Variants in SMO observed in about 807,000 individuals in gnomAD.
SMO encodes the protein protein smoothened.
Under a neutral mutation model 81.6 loss-of-function variants are expected in SMO, and 40 were observed. The observed-to-expected ratio is 0.49, with a 90% confidence interval of 0.38 to 0.64. The LOEUF is 0.64. Ranked by LOEUF, SMO falls within the 30% of genes least tolerant of loss-of-function variation. SMO has a pLI of 0.00. For missense variants in SMO, 916 were observed against 1,061.1 expected (o/e 0.86, Z 1.90); for synonymous variants, 434 against 432.1 (o/e 1.00, Z -0.05).
intron 8 of SMO, chr7:129,209,720 T>C (rs926002639): frequency 6.8e-6 from 2 of 295,430 alleles, no homozygotes; most frequent in Non-Finnish European, 1.3e-5. Context: ...TGTGCTCTCC[T>C]GCAGAGCCTG....
Position 129,210,772 on chromosome 7 carries a change from G to C in SMO, c.1653-193G>C, listed in dbSNP as rs899997600. 1.3e-5 allele frequency among the ~76,000 whole-genome samples: 2 copies of C among 152,240 alleles called. No individual in the cohort carries two copies. The highest frequency in any genetic ancestry group is 3.2e-3 in the Middle Eastern group (1 of 316). On this transcript the variant is annotated intron_variant, in intron 9 of 11. Transcript: ENST00000249373. The surrounding 1 kb of genome is among the most constrained non-coding windows in gnomAD (Gnocchi z 4.7). ...ACCTTTTAAGAGCGGAGTGATTGGA[G>C]GGCTGGGCACACAGGAGCTCTGCAT...
rs1793869703 is a variant in SMO, at chr7:129,211,516, C to A, written c.1802-120C>A. The A allele has an allele frequency of 8.8e-7, 1 of 1,135,972 alleles. No homozygotes were observed. Among genetic ancestry groups the A allele is most frequent in the Non-Finnish European group, 1.3e-6 (1 of 761,954 alleles). 70.4% of individuals were successfully genotyped at this position (1,135,972 alleles called of 1,614,324 possible). ...GAGATCACCGTGGTTACAGGGTGAGCTTTCTCTGGTGAGCAGGAGGGACTG... is the reference window on the plus strand; with the variant it reads ...GAGATCACCGTGGTTACAGGGTGAGATTTCTCTGGTGAGCAGGAGGGACTG... On this transcript the variant is annotated intron_variant, in intron 10 of 11. Coordinates refer to ENST00000249373, the MANE Select transcript of SMO (RefSeq NM_005631.5). The surrounding 1 kb of genome is among the most constrained non-coding windows in gnomAD (Gnocchi z 4.6).
At position 129,206,722 on chromosome 7, in the gene SMO, A is replaced by T; in HGVS notation, c.1264+135A>T. 1 of 859,436 alleles carries T rather than the reference A, an allele frequency of 1.2e-6. No homozygotes were observed. Among genetic ancestry groups the T allele is most frequent in the Non-Finnish European group, 1.8e-6 (1 of 548,388 alleles). The allele number at this position is 859,436 out of a possible 1,614,324, so 53.2% of individuals were successfully genotyped here. On this transcript the variant is annotated intron_variant, in intron 6 of 11. Coordinates refer to ENST00000249373, the MANE Select transcript of SMO (RefSeq NM_005631.5). This position sits in a 1 kb window ranked among gnomAD's most constrained non-coding sequence, Gnocchi z 4.4. ...CTCCTATAGGGCCTTCACACAGTAG[A>T]AGGTGACCCTCTAGGCAGACGAAAC...
chr7:129,203,475 GC>G lies in SMO; in HGVS notation c.426del (p.Ser143AlafsTer159). On this transcript the variant is annotated frameshift_variant, in exon 2 of 12. Coordinates refer to ENST00000249373, the MANE Select transcript of SMO (RefSeq NM_005631.5). LOFTEE classifies it high-confidence loss of function. ...PKCENDRVELPSRTLCQATRG... is the reference protein window; with the variant it reads ...PKCENDRVELXSRTLCQATRG... ...AGTGTGAGAATGACCGGGTGGAGCT[GC>G]CCAGCCGTACCCTCTGCCAGGCCAC... 1 of 1,591,344 alleles carries G rather than the reference GC, an allele frequency of 6.3e-7. No homozygotes were observed.
Position 129,189,217 on chromosome 7 carries a change from GCT to G in SMO, c.67_68del (p.Leu23GlyfsTer112), listed in dbSNP as rs1436006788. 1.6e-4 allele frequency: 189 copies of G among 1,167,026 alleles called. No individual in the cohort carries two copies. The highest frequency in any genetic ancestry group is 2.6e-4 in the African/African-American group (16 of 62,368). 72.3% of individuals were successfully genotyped at this position (1,167,026 alleles called of 1,614,324 possible). A position where few individuals can be genotyped will look rare whatever the true frequency, so the allele number is the denominator to read the frequency against. ...PLLGLLLLLL[L>X]GDPGRGAASS... ...TCCTGGGGCTGCTGCTGCTGCTGCT[GCT>G]GGGGGACCCGGGCCGGGGGGCGGCC... On this transcript the variant is annotated frameshift_variant, in exon 1 of 12. Coordinates refer to ENST00000249373, the MANE Select transcript of SMO (RefSeq NM_005631.5). LOFTEE classifies it high-confidence loss of function. This position sits in a 1 kb window ranked among gnomAD's most constrained non-coding sequence, Gnocchi z 4.7.
At position 129,213,072 on chromosome 7, in the gene SMO, T is replaced by C. The variant is rs2703098; in HGVS notation, c.*621T>C. On this transcript the variant is annotated 3_prime_UTR_variant, in exon 12 of 12. Coordinates refer to ENST00000249373, the MANE Select transcript of SMO (RefSeq NM_005631.5). ...TTTTGTTCTCCTATATCCTCCTTCT[T>C]CTGTTCCATTTCAGTTCAGTTTCAG... 0.98 allele frequency: 234,860 copies of C among 240,874 alleles called. 114,762 individuals are homozygous for C. The highest frequency in any genetic ancestry group is 1 in the East Asian group (17,228 of 17,228). 14.9% of individuals were successfully genotyped at this position (240,874 alleles called of 1,614,324 possible).
At chr7:129,202,362 C>T (rs1021171653) in intron 1 of SMO, among the ~76,000 whole-genome samples, 1 of 152,182 alleles carries the variant, frequency 6.6e-6, no homozygotes, top group African/African-American at 2.4e-5. Context: ...TACTATGTTG[C>T]CTTCCCCCGA....
intron 1 of SMO, among the ~76,000 whole-genome samples, chr7:129,192,914 C>T (rs1444696450): frequency 1.3e-5 from 2 of 152,168 alleles, no homozygotes; most frequent in Non-Finnish European, 2.9e-5. Flanking sequence ...GCCCTGACTA[C>T]TGAGGCTTTG....
intron 1 of SMO, among the ~76,000 whole-genome samples, chr7:129,196,039 T>G (rs1005613836): frequency 1.2e-4 from 18 of 147,392 alleles, no homozygotes; most frequent in African/African-American, 4.6e-4. Flanking sequence ...AGGCGGAGCT[T>G]GCAGTGAGCC....
Position 129,189,457 on chromosome 7 carries a change from G to T in SMO, c.306G>T (p.Ala102=), listed in dbSNP as rs1405488326. ...GAGACTCGGACTCCCAGGAGGAAGCGCACGGCAAGCTCGTGCTCTGGTCGG... is the reference window on the plus strand; with the variant it reads ...GAGACTCGGACTCCCAGGAGGAAGCTCACGGCAAGCTCGTGCTCTGGTCGG... ...LAGDSDSQEE[A]HGKLVLWSGL... Residue 102 remains alanine (A), a synonymous_variant, in exon 1 of 12, where the codon GCG becomes GCT. Transcript: ENST00000249373. This position sits in a 1 kb window ranked among gnomAD's most constrained non-coding sequence, Gnocchi z 4.7. 6.5e-7 allele frequency: 1 copy of T among 1,538,216 alleles called. No individual in the cohort carries two copies. Among genetic ancestry groups the T allele is most frequent in the South Asian group, 1.2e-5 (1 of 84,036 alleles).
In SMO at chr7:129,212,435, C is replaced by T. The variant is rs1475027326; in HGVS notation, c.2348C>T (p.Ala783Val). 1 of 1,610,862 alleles carries T rather than the reference C, an allele frequency of 6.2e-7. No homozygotes were observed. Among genetic ancestry groups the T allele is most frequent in the East Asian group, 2.2e-5 (1 of 44,770 alleles). The part of the protein sequence containing the change: ...TNLMDTELMD[A>V]DSDF Reference sequence around the variant, plus strand: ...CTGATGGACACAGAACTCATGGATGCAGACTCGGACTTCTGAGCCTGCAGA... The same window carrying T: ...CTGATGGACACAGAACTCATGGATGTAGACTCGGACTTCTGAGCCTGCAGA... The change falls in exon 12 of 12, where the codon GCA (alanine) becomes GTA (valine). Residue 783 changes from alanine (A) to valine (V), a missense_variant. By Grantham distance (64) the Ala-to-Val change is moderately conservative (BLOSUM62 0). Around this residue, in one of 4 missense-constraint regions of SMO, gnomAD observed 324 missense variants for 312.9 expected, o/e 1.04. Coordinates refer to ENST00000249373, the MANE Select transcript of SMO (RefSeq NM_005631.5). This position sits in a 1 kb window ranked among gnomAD's most constrained non-coding sequence, Gnocchi z 5.0.
In SMO at chr7:129,210,448, GAGA is replaced by G. The variant is rs758836898; in HGVS notation, c.1556_1558del (p.Lys519del). On this transcript the variant is annotated inframe_deletion, in exon 9 of 12. Coordinates refer to ENST00000249373, the MANE Select transcript of SMO (RefSeq NM_005631.5). The surrounding 1 kb of genome is among the most constrained non-coding windows in gnomAD (Gnocchi z 4.7). ...CAAGAATCGCCCGAGCCTTCTGGTG[GAGA>G]AGATCAACCTGTTTGCCATGTTTGG... The G allele has an allele frequency of 1.9e-6, 3 of 1,614,182 alleles. No homozygotes were observed. Among genetic ancestry groups the G allele is most frequent in the Non-Finnish European group, 1.7e-6 (2 of 1,180,010 alleles).
At chr7:129,194,648 T>C (rs1793542120) in intron 1 of SMO, among the ~76,000 whole-genome samples, 1 of 152,228 alleles carries the variant, frequency 6.6e-6, no homozygotes, top group Non-Finnish European at 1.5e-5. Flanking sequence ...CAGCTTTGCA[T>C]GTTTTTGAAC....
intron 1 of SMO, among the ~76,000 whole-genome samples, chr7:129,201,722 C>G (rs1323308999): frequency 6.6e-6 from 1 of 151,900 alleles, no homozygotes; most frequent in Non-Finnish European, 1.5e-5. Context: ...ATTCTTTTGC[C>G]CAGGCTGGAG....
chr7:129,204,177 A>G (rs1317277682), intron 2 of SMO, among the ~76,000 whole-genome samples: 2 of 152,070 alleles, frequency 1.3e-5, no homozygotes, highest in East Asian at 3.9e-4. Context: ...TACTAAAAAT[A>G]CAAACATAAG....
rs1793854475 is a variant in SMO at position 129,210,643 on chromosome 7, GC to G, written c.1652+97del. On this transcript the variant is annotated intron_variant, in intron 9 of 11. Coordinates refer to ENST00000249373, the MANE Select transcript of SMO (RefSeq NM_005631.5). The surrounding 1 kb of genome is among the most constrained non-coding windows in gnomAD (Gnocchi z 4.7). Reference sequence around the variant, plus strand: ...TTTGTCGGGTCCTGCCTCTAGCACAGCCTTGGTCAGTGGTTCACCGCTGCCC... The same window carrying G: ...TTTGTCGGGTCCTGCCTCTAGCACAGCTTGGTCAGTGGTTCACCGCTGCCC... The G allele has an allele frequency of 9.7e-7, 1 of 1,032,806 alleles. No individual in the cohort carries two copies. The highest frequency in any genetic ancestry group is 1.6e-5 in the African/African-American group (1 of 63,646). The allele number at this position is 1,032,806 out of a possible 1,614,324, so 64.0% of individuals were successfully genotyped here.
rs749563070 is a variant in SMO, at chr7:129,210,184, T to C, written c.1467-179T>C. 5 of 575,378 alleles carry C rather than the reference T, an allele frequency of 8.7e-6. No homozygotes were observed. Among genetic ancestry groups the C allele is most frequent in the Non-Finnish European group, 1.6e-5 (5 of 322,232 alleles). The allele number at this position is 575,378 out of a possible 1,614,324, so 35.6% of individuals were successfully genotyped here. On this transcript the variant is annotated intron_variant, in intron 8 of 11. Coordinates refer to ENST00000249373, the MANE Select transcript of SMO (RefSeq NM_005631.5). This position sits in a 1 kb window ranked among gnomAD's most constrained non-coding sequence, Gnocchi z 4.7. Reference sequence around the variant, plus strand: ...CAGTAGACTCAGAAAACCCCACCTGTAGTCCCAGCTACTTGGGAGGCTGAA... The same window carrying C: ...CAGTAGACTCAGAAAACCCCACCTGCAGTCCCAGCTACTTGGGAGGCTGAA...
intron 7 of SMO, 43 bp from the exon 8 acceptor site, chr7:129,209,246 G>T (rs2150652675): frequency 1.7e-6 from 2 of 1,184,300 alleles, no homozygotes; most frequent in Non-Finnish European, 2.5e-6. Context: ...GCTGCTGCGG[G>T]ACTGGGCTTG....
chr7:129,210,552 G>A lies in SMO; in HGVS notation c.1652+4G>A, dbSNP rs2150654067. On this transcript the variant is annotated splice_donor_region_variant and intron_variant, in intron 9 of 11. Transcript: ENST00000249373. The surrounding 1 kb of genome is among the most constrained non-coding windows in gnomAD (Gnocchi z 4.7). ...TCTGGAGGCGTACCTGGTGCAGGTG[G>A]GCATGGCAGCCAGCCCCTCCTGCCC... 6.2e-7 allele frequency: 1 copy of A among 1,611,316 alleles called. No homozygotes were observed. Among genetic ancestry groups the A allele is most frequent in the Non-Finnish European group, 8.5e-7 (1 of 1,177,866 alleles).
Sources: gnomAD v4.1 joint callset for allele counts (sites outside exome capture counted in the v4.1 genomes callset) on GRCh38, gnomAD v4.1.1 for gene constraint, gnomAD v4.1.1 regional missense constraint, Gnocchi (gnomAD v3.1) non-coding constraint, MANE v1.5 for transcripts, NCBI Gene and HGNC (gene_info 2026-07-23, HGNC 2026-07-21) for gene names.